Variants in FBLN7 observed in about 807,000 individuals in gnomAD.
FBLN7 encodes the protein fibulin-7.
In FBLN7, 31 loss-of-function variants were observed where a neutral mutation model predicts 44.0. That is an observed-to-expected ratio of 0.70 (90% confidence interval 0.53 to 0.95). The LOEUF (loss-of-function observed/expected upper bound fraction) is 0.95, where lower values mean the gene tolerates loss of function less well. Among genes scored for constraint, FBLN7 ranks in the 40% least tolerant of loss-of-function variants. The pLI is 0.00. For missense variants in FBLN7, 573 were observed against 618.5 expected, an observed-to-expected ratio of 0.93 and a Z score of 0.78; for synonymous variants, 262 against 253.4, an observed-to-expected ratio of 1.03 and a Z score of -0.32.
At chr2:112,220,301 C>T in the FBLN7 span, among the ~76,000 whole-genome samples, 1 of 152,264 alleles carries the variant, frequency 6.6e-6, no homozygotes, top group South Asian at 2.1e-4. Context: ...TCTTTACTTC[C>T]CATATTTCGC....
chr2:112,210,272 C>T, the FBLN7 span, among the ~76,000 whole-genome samples: 2 of 151,688 alleles, frequency 1.3e-5, no homozygotes, highest in South Asian at 2.1e-4. Flanking sequence ...GCTGCAGTGG[C>T]GATGGAGATC....
At chr2:112,233,319 A>C in the FBLN7 span, 1 of 1,601,166 alleles carries the variant, frequency 6.2e-7, no homozygotes, top group Non-Finnish European at 8.5e-7. Context: ...AAACTTACAC[A>C]TTTCCTTTTT....
Position 112,160,819 on chromosome 2 carries a change from CACAA to C in FBLN7, c.235+985_235+988del, listed in dbSNP as rs1278136453. Among the ~76,000 whole-genome samples the C allele has an allele frequency of 1.5e-3, 226 of 148,212 alleles. 1 individual carries two copies. The highest frequency in any genetic ancestry group is 4.9e-3 in the African/African-American group (194 of 39,412). On this transcript the variant is annotated intron_variant, in intron 2 of 7. Transcript: ENST00000331203. Reference sequence around the variant, plus strand: ...ACACACGCACGCACACACACGCACACACAAGCACGCATACACGCACGCACACGCG... The same window carrying C: ...ACACACGCACGCACACACACGCACACGCACGCATACACGCACGCACACGCG...
chr2:112,171,712 G>C (rs1015567231), intron 3 of FBLN7, among the ~76,000 whole-genome samples: 1 of 152,074 alleles, frequency 6.6e-6, no homozygotes, highest in Non-Finnish European at 1.5e-5. Context: ...AGATATTAAC[G>C]TGAGCAATTT....
At chr2:112,219,137 C>G in the FBLN7 span, among the ~76,000 whole-genome samples, 1 of 151,972 alleles carries the variant, frequency 6.6e-6, no homozygotes, top group Non-Finnish European at 1.5e-5. Context: ...GAACAAATAG[C>G]CAAAATCTTG....
chr2:112,219,494 AG>A, the FBLN7 span, among the ~76,000 whole-genome samples: 2 of 152,224 alleles, frequency 1.3e-5, no homozygotes, highest in Non-Finnish European at 2.9e-5. Context: ...GGAAAACATA[AG>A]GGAAAGTCTT....
chr2:112,145,448 G>A (rs949960112), intron 1 of FBLN7, among the ~76,000 whole-genome samples: 9 of 151,946 alleles, frequency 5.9e-5, no homozygotes, highest in Admixed American at 2.6e-4. Context: ...AATTTTGAGC[G>A]CTCTTTATAT....
At chr2:112,231,831 T>A in the FBLN7 span, 1 of 1,524,606 alleles carries the variant, frequency 6.6e-7, no homozygotes, top group Non-Finnish European at 8.9e-7. Flanking sequence ...TTAAAAATTA[T>A]ACTTACTTTA....
rs188948850 is a variant in FBLN7 at position 112,179,425 on chromosome 2, C to T, written c.533-2314C>T. 2.6e-5 allele frequency among the ~76,000 whole-genome samples: 4 copies of T among 152,228 alleles called. No individual in the cohort carries two copies. In the East Asian group the frequency reaches 7.7e-4, roughly 29 times the overall value. On this transcript the variant is annotated intron_variant, in intron 4 of 7. Coordinates refer to ENST00000331203, the MANE Select transcript of FBLN7 (RefSeq NM_153214.3). ...AAAATGGCTACACTGCCCAAAACAA[C>T]TTACAGATTCAATGCTATTCCTATC...
At chr2:112,205,462 T>C in the FBLN7 span, among the ~76,000 whole-genome samples, 10 of 151,076 alleles carry the variant, frequency 6.6e-5, no homozygotes, top group Admixed American at 1.3e-4. Context: ...GAAATAAAAA[T>C]GGAATTCTAA....
At chr2:112,209,010 T>G in the FBLN7 span, among the ~76,000 whole-genome samples, 1 of 152,180 alleles carries the variant, frequency 6.6e-6, no homozygotes, top group Admixed American at 6.5e-5. Context: ...CCCTTAAAAA[T>G]GCATATTAGA....
chr2:112,147,992 G>T (rs578152825), intron 1 of FBLN7, among the ~76,000 whole-genome samples: 1 of 152,010 alleles, frequency 6.6e-6, no homozygotes, highest in Non-Finnish European at 1.5e-5. Flanking sequence ...CGCTCTCTCC[G>T]ACTCACTGCC....
chr2:112,172,806 G>A (rs1682541630), intron 3 of FBLN7, among the ~76,000 whole-genome samples: 1 of 151,550 alleles, frequency 6.6e-6, no homozygotes, highest in African/African-American at 2.4e-5. Context: ...CTAATTTTTT[G>A]TATTTTTAAT....
chr2:112,180,973 G>A (rs1430762411), intron 4 of FBLN7, among the ~76,000 whole-genome samples: 1 of 150,668 alleles, frequency 6.6e-6, no homozygotes, highest in Non-Finnish European at 1.5e-5. Context: ...AAGAAAATGT[G>A]GGACATATAC....
At chr2:112,231,602 G>A in the FBLN7 span, among the ~76,000 whole-genome samples, 5 of 152,112 alleles carry the variant, frequency 3.3e-5, no homozygotes, top group Admixed American at 3.3e-4. Flanking sequence ...TAATTATACT[G>A]AAGATTTTAC....
At chr2:112,200,254 A>C in the FBLN7 span, among the ~76,000 whole-genome samples, 4 of 152,162 alleles carry the variant, frequency 2.6e-5, no homozygotes, top group Non-Finnish European at 2.9e-5. Flanking sequence ...GCTAGTACTA[A>C]TTAAGATTCT....
chr2:112,217,602 G>A, the FBLN7 span, among the ~76,000 whole-genome samples: 1 of 150,808 alleles, frequency 6.6e-6, no homozygotes, highest in Non-Finnish European at 1.5e-5. Context: ...TCTTCCACAT[G>A]TTTCATTATA....
At chr2:112,140,388 C>A (rs561163666) in intron 1 of FBLN7, among the ~76,000 whole-genome samples, 1 of 152,230 alleles carries the variant, frequency 6.6e-6, no homozygotes, top group African/African-American at 2.4e-5. Context: ...AGCACCAAGG[C>A]TGGGGGACCC....
chr2:112,146,782 G>A (rs755853672), intron 1 of FBLN7, among the ~76,000 whole-genome samples: 27 of 152,072 alleles, frequency 1.8e-4, no homozygotes, highest in Non-Finnish European at 3.1e-4. Context: ...CCTTTTTAAT[G>A]TATGTGTCAT....
Sources: allele counts gnomAD v4.1 joint callset (sites outside exome capture counted in the v4.1 genomes callset), GRCh38; gene constraint gnomAD v4.1.1; transcripts MANE v1.5; gene names NCBI Gene and HGNC (gene_info 2026-07-23, HGNC 2026-07-21).